ALPK1: variants seen among roughly 807,000 people sequenced by gnomAD.
ALPK1 encodes the protein alpha-protein kinase 1.
In ALPK1, 110 loss-of-function variants were observed where a neutral mutation model predicts 120.6. The observed-to-expected ratio is 0.91, with a 90% CI of 0.78 to 1.07. ALPK1 has a LOEUF of 1.07. Ranked by LOEUF, ALPK1 falls within the 50% of genes least tolerant of loss-of-function variation. The pLI is 0.00. For missense variants in ALPK1, 1,498 were observed against 1,483.9 expected (o/e 1.01, Z -0.16); for synonymous variants, 582 against 560.3 (o/e 1.04, Z -0.55).
At chr4:112,436,050 A>G (rs1405862616) in intron 12 of ALPK1, among the ~76,000 whole-genome samples, 2 of 152,264 alleles carry the variant, frequency 1.3e-5, no homozygotes, top group African/African-American at 2.4e-5. Context: ...TATCATTTGT[A>G]TATTTTAAAA....
At chr4:112,324,181 G>A (rs1728995578) in intron 2 of ALPK1, among the ~76,000 whole-genome samples, 1 of 152,080 alleles carries the variant, frequency 6.6e-6, no homozygotes, top group African/African-American at 2.4e-5. Context: ...CAAAAAATTA[G>A]CAGGGCATGG....
rs1733486510 is a variant in ALPK1 at position 112,411,867 on chromosome 4, C to G, written c.317C>G (p.Ala106Gly). The change falls in exon 5 of 16, where the codon GCT (alanine) becomes GGT (glycine). Residue 106 changes from alanine (A) to glycine (G), a missense_variant. Physicochemically the swap from Ala to Gly is moderately conservative, Grantham distance 60. Coordinates refer to ENST00000650871, the MANE Select transcript of ALPK1 (RefSeq NM_025144.4). Reference protein sequence around the residue: ...RASILARDCAAAAAIVFLVDR... With the variant: ...RASILARDCAGAAAIVFLVDR... Reference sequence around the variant, plus strand: ...TCCATCCTCGCTCGGGACTGTGCGGCTGCGGCGGCTATTGTGTTCTTGGTG... The same window carrying G: ...TCCATCCTCGCTCGGGACTGTGCGGGTGCGGCGGCTATTGTGTTCTTGGTG... 6.2e-7 allele frequency: 1 copy of G among 1,613,238 alleles called. No individual in the cohort carries two copies. Among genetic ancestry groups the G allele is most frequent in the Non-Finnish European group, 8.5e-7 (1 of 1,179,838 alleles).
chr4:112,324,892 A>G (rs190041393), intron 2 of ALPK1, among the ~76,000 whole-genome samples: 2 of 149,120 alleles, frequency 1.3e-5, no homozygotes, highest in Admixed American at 1.3e-4. Context: ...ACCCTGGAAC[A>G]TCAGAGGGGT....
chr4:112,303,824 T>C (rs966254605), intron 1 of ALPK1, among the ~76,000 whole-genome samples: 1 of 152,092 alleles, frequency 6.6e-6, no homozygotes, highest in Non-Finnish European at 1.5e-5. Flanking sequence ...TATGTATACA[T>C]GTGCTGTGTT....
chr4:112,349,753 C>T (rs1448072037), intron 2 of ALPK1, among the ~76,000 whole-genome samples: 3 of 152,088 alleles, frequency 2.0e-5, no homozygotes, highest in African/African-American at 2.4e-5. Flanking sequence ...CAGGTTTCAC[C>T]GTGTTAGCCA....
At chr4:112,387,067 A>G (rs1732185255) in intron 4 of ALPK1, among the ~76,000 whole-genome samples, 2 of 152,200 alleles carry the variant, frequency 1.3e-5, no homozygotes, top group South Asian at 4.1e-4. Flanking sequence ...TATTGAAGGC[A>G]TTTAGCGTTA....
chr4:112,394,298 T>A (rs1258555313), intron 4 of ALPK1, among the ~76,000 whole-genome samples: 4 of 152,196 alleles, frequency 2.6e-5, no homozygotes, highest in African/African-American at 9.6e-5. Flanking sequence ...TCTGTTAATG[T>A]GATATGACTA....
chr4:112,383,898 T>A (rs1201795618), intron 4 of ALPK1: 3 of 152,208 alleles, frequency 2.0e-5, no homozygotes, highest in Admixed American at 6.5e-5. Flanking sequence ...AACCCTTACA[T>A]TAGTGTACAG....
At position 112,429,091 on chromosome 4, in the gene ALPK1, T is replaced by A. The variant is rs1270091986; in HGVS notation, c.796-58T>A. 4.8e-6 allele frequency: 7 copies of A among 1,460,752 alleles called. No individual in the cohort carries two copies. The East Asian group carries it at 1.1e-4, about 24-fold the overall frequency. 90.5% of individuals were successfully genotyped at this position (1,460,752 alleles called of 1,614,324 possible). A position where few individuals can be genotyped will look rare whatever the true frequency, so the allele number is the denominator to read the frequency against. ...AAAGCAAAACCATTTCATAGCCTGT[T>A]TTTTGCTCATCGATAATTAATTATC... On this transcript the variant is annotated intron_variant, in intron 9 of 15. Coordinates refer to ENST00000650871, the MANE Select transcript of ALPK1 (RefSeq NM_025144.4).
At chr4:112,357,424 T>C in intron 2 of ALPK1, 1 of 698,072 alleles carries the variant, frequency 1.4e-6, no homozygotes, top group Non-Finnish European at 2.6e-6. Context: ...AGAGGGTGGT[T>C]CAGCCATCTG....
intron 4 of ALPK1, among the ~76,000 whole-genome samples, chr4:112,400,621 G>C (rs1162489782): frequency 6.6e-6 from 1 of 152,120 alleles, no homozygotes; most frequent in African/African-American, 2.4e-5. Context: ...CAGATAATTC[G>C]ATATAATTTT....
At chr4:112,404,242 A>G (rs187319101) in intron 4 of ALPK1, among the ~76,000 whole-genome samples, 2 of 152,228 alleles carry the variant, frequency 1.3e-5, no homozygotes, top group African/African-American at 4.8e-5. Context: ...TTCCACTGAA[A>G]CTCACTTTGG....
In ALPK1 at chr4:112,441,718, G is replaced by C. The variant is rs764865977; in HGVS notation, c.*508G>C. 1 of 155,522 alleles carries C rather than the reference G, an allele frequency of 6.4e-6. No individual in the cohort carries two copies. Among genetic ancestry groups the C allele is most frequent in the Non-Finnish European group, 1.4e-5 (1 of 70,230 alleles). The allele number at this position is 155,522 out of a possible 1,614,324, so 9.6% of individuals were successfully genotyped here. ...ATCTTTTATTTTGTATGGCTTTTTG[G>C]TTATGTATAATACTTAGATCCTCCT... On this transcript the variant is annotated 3_prime_UTR_variant, in exon 16 of 16. Coordinates refer to ENST00000650871, the MANE Select transcript of ALPK1 (RefSeq NM_025144.4).
chr4:112,385,800 A>G (rs1732127760), intron 4 of ALPK1, among the ~76,000 whole-genome samples: 1 of 152,206 alleles, frequency 6.6e-6, no homozygotes, highest in Admixed American at 6.5e-5. Context: ...TTAATTGTGA[A>G]ATTCCATTCT....
chr4:112,366,195 C>T (rs539479469), intron 2 of ALPK1, among the ~76,000 whole-genome samples: 2 of 152,054 alleles, frequency 1.3e-5, no homozygotes, highest in East Asian at 3.9e-4. Context: ...GCAACAAAAA[C>T]AAAGATAAAT....
chr4:112,423,697 C>T (rs1039864470), intron 5 of ALPK1: 7 of 628,670 alleles, frequency 1.1e-5, no homozygotes, highest in African/African-American at 1.8e-5. Flanking sequence ...TGAATTATCA[C>T]ATACATATGA....
chr4:112,413,454 T>C (rs1306751446), intron 5 of ALPK1, among the ~76,000 whole-genome samples: 1 of 152,242 alleles, frequency 6.6e-6, no homozygotes, highest in East Asian at 1.9e-4. Flanking sequence ...AGTCTCGCTC[T>C]GTTGCCCAAA....
chr4:112,298,575 A>G (rs891833770), intron 1 of ALPK1, among the ~76,000 whole-genome samples: 3 of 152,196 alleles, frequency 2.0e-5, no homozygotes, highest in African/African-American at 7.2e-5. Flanking sequence ...TCTTCCGCCA[A>G]GAAGACACCA....
At chr4:112,370,933 T>C (rs1416421689) in intron 2 of ALPK1, among the ~76,000 whole-genome samples, 2 of 152,230 alleles carry the variant, frequency 1.3e-5, no homozygotes, top group Non-Finnish European at 2.9e-5. Context: ...TACTTTTATA[T>C]GTAGAAATAC....
Sources: gnomAD v4.1 joint callset for allele counts (sites outside exome capture counted in the v4.1 genomes callset) on GRCh38, gnomAD v4.1.1 for gene constraint, MANE v1.5 for transcripts, NCBI Gene and HGNC (gene_info 2026-07-23, HGNC 2026-07-21) for gene names.